Variants in SF3B3 observed in about 807,000 individuals in gnomAD.
SF3B3 encodes the protein SAP 130.
Under a neutral mutation model 139.2 loss-of-function variants are expected in SF3B3, and 33 were observed. The ratio of observed to expected loss-of-function variants is 0.24; its 90% CI spans 0.18 to 0.32. SF3B3 has a LOEUF of 0.32. Among genes scored for constraint, SF3B3 ranks in the 10% least tolerant of loss-of-function variants. The pLI is 1.00. For synonymous variants in SF3B3, 596 were observed against 563.6 expected, an observed-to-expected ratio of 1.06 and a Z score of -0.81; for missense variants, 818 against 1,509.4, an observed-to-expected ratio of 0.54 and a Z score of 7.59.
chr16:70,569,434 T>C (rs2050508064), intron 23 of SF3B3, among the ~76,000 whole-genome samples: 1 of 152,228 alleles, frequency 6.6e-6, no homozygotes, highest in Non-Finnish European at 1.5e-5. Context: ...AAATCTATTT[T>C]AGAAGACAAG....
At chr16:70,545,263 TATC>T (rs1160649803) in intron 10 of SF3B3, among the ~76,000 whole-genome samples, 1 of 152,086 alleles carries the variant, frequency 6.6e-6, no homozygotes, top group Non-Finnish European at 1.5e-5. Context: ...GACAGAGTCT[TATC>T]ATGTTTCCCT....
chr16:70,550,658 T>C, intron 11 of SF3B3: 1 of 985,722 alleles, frequency 1.0e-6, no homozygotes, highest in Non-Finnish European at 1.2e-6. Flanking sequence ...AGGTGGCTGG[T>C]GAAGGTGCTG....
intron 10 of SF3B3, among the ~76,000 whole-genome samples, chr16:70,547,558 A>G (rs896188712): frequency 2.6e-5 from 4 of 152,182 alleles, no homozygotes; most frequent in African/African-American, 9.7e-5. Flanking sequence ...CTAATCAGAA[A>G]GACAAAACAG....
At chr16:70,525,862 G>A (rs900680252) in intron 1 of SF3B3, among the ~76,000 whole-genome samples, 2 of 149,818 alleles carry the variant, frequency 1.3e-5, no homozygotes, top group African/African-American at 2.5e-5. Flanking sequence ...TCGGGAGCCT[G>A]AGGCAGGAGA....
intron 4 of SF3B3, among the ~76,000 whole-genome samples, chr16:70,531,224 C>T (rs1175502795): frequency 6.6e-6 from 1 of 152,012 alleles, no homozygotes; most frequent in African/African-American, 2.4e-5. Flanking sequence ...GCCGAGATCT[C>T]GCCACTGCAC....
chr16:70,544,873 C>T (rs1371061165), intron 10 of SF3B3, among the ~76,000 whole-genome samples: 2 of 151,998 alleles, frequency 1.3e-5, no homozygotes, highest in Admixed American at 6.6e-5. Context: ...TTCTATTCCT[C>T]AACTTGTTAG....
At chr16:70,555,468 A>G (rs1469185943) in intron 13 of SF3B3, among the ~76,000 whole-genome samples, 1 of 127,672 alleles carries the variant, frequency 7.8e-6, no homozygotes. Flanking sequence ...ACAGAGCAAG[A>G]CTCCGTCTCA....
intron 25 of SF3B3, 62 bp downstream of exon 25, chr16:70,571,261 A>AT: frequency 8.2e-7 from 1 of 1,212,466 alleles, no homozygotes; most frequent in Non-Finnish European, 1.2e-6. Flanking sequence ...CAGGGAGTGG[A>AT]TTGATGGGAA....
intron 11 of SF3B3, among the ~76,000 whole-genome samples, chr16:70,550,020 A>G (rs2050306978): frequency 6.6e-6 from 1 of 152,160 alleles, no homozygotes. Context: ...GTGTCTCAAG[A>G]CACAGTCTAG....
In SF3B3 at chr16:70,555,036, T is replaced by C; in HGVS notation, c.1555-15T>C. The C allele has an allele frequency of 6.2e-7, 1 of 1,610,748 alleles. No individual in the cohort carries two copies. The highest frequency in any genetic ancestry group is 8.5e-7 in the Non-Finnish European group (1 of 1,177,926). On this transcript the variant is annotated splice_polypyrimidine_tract_variant and intron_variant, in intron 12 of 25. Coordinates refer to ENST00000302516, the MANE Select transcript of SF3B3 (RefSeq NM_012426.5). ...AAATTGTTAAAGTCAGGTTTCTTTCTGTTACTGACTCTAGGTCTATCCAGA... is the reference window on the plus strand; with the variant it reads ...AAATTGTTAAAGTCAGGTTTCTTTCCGTTACTGACTCTAGGTCTATCCAGA...
intron 11 of SF3B3, chr16:70,554,128 G>A (rs1270364236): frequency 5.4e-6 from 1 of 185,530 alleles, no homozygotes; most frequent in Non-Finnish European, 1.1e-5. Flanking sequence ...TGAAGCTCTA[G>A]CTCAGTATGT....
At chr16:70,546,561 A>C (rs932483952) in intron 10 of SF3B3, among the ~76,000 whole-genome samples, 3 of 152,136 alleles carry the variant, frequency 2.0e-5, no homozygotes, top group Non-Finnish European at 4.4e-5. Flanking sequence ...CTAAGGCAGG[A>C]GAATAGCTTG....
intron 11 of SF3B3, among the ~76,000 whole-genome samples, chr16:70,552,481 C>T (rs1289723387): frequency 6.6e-6 from 1 of 152,182 alleles, no homozygotes. Context: ...TAACCATGTC[C>T]TTACTTGTTT....
chr16:70,538,751 C>CATGAT (rs1184808838), intron 7 of SF3B3, among the ~76,000 whole-genome samples: 1 of 152,206 alleles, frequency 6.6e-6, no homozygotes, highest in African/African-American at 2.4e-5. Flanking sequence ...TGGTAATAAA[C>CATGAT]ATGATCTGTT....
rs780835427 is a variant in SF3B3, at chr16:70,561,798, A to G, written c.2288+14A>G. On this transcript the variant is annotated intron_variant, in intron 17 of 25. Transcript: ENST00000302516. ...CAACACCCTACGGTGAGTGAGTCTC[A>G]TGTTTGAAGCTCAGCAGGAAGCCTT... 1 of 1,610,834 alleles carries G rather than the reference A, an allele frequency of 6.2e-7. No homozygotes were observed. Among genetic ancestry groups the G allele is most frequent in the Admixed American group, 1.7e-5 (1 of 59,938 alleles).
At position 70,571,938 on chromosome 16, in the gene SF3B3, G is replaced by A; in HGVS notation, c.*125G>A. ...GGATAATTAAGACTGCATTATGAAA[G>A]TCAACAGCTCTTTCCCCTCAGCTCT... On this transcript the variant is annotated 3_prime_UTR_variant, in exon 26 of 26. Coordinates refer to ENST00000302516, the MANE Select transcript of SF3B3 (RefSeq NM_012426.5). 1 of 1,161,024 alleles carries A rather than the reference G, an allele frequency of 8.6e-7. No homozygotes were observed. The highest frequency in any genetic ancestry group is 1.2e-6 in the Non-Finnish European group (1 of 812,602). The allele number at this position is 1,161,024 out of a possible 1,614,324, so 71.9% of individuals were successfully genotyped here. A position where few individuals can be genotyped will look rare whatever the true frequency, so the allele number is the denominator to read the frequency against.
chr16:70,564,117 G>T, intron 18 of SF3B3, 67 bp downstream of exon 18: 1 of 1,521,000 alleles, frequency 6.6e-7, no homozygotes, highest in Non-Finnish European at 8.9e-7. Flanking sequence ...AGTTTAAACT[G>T]CCCGGCACTT....
At chr16:70,563,145 T>C (rs1368449125) in intron 17 of SF3B3, among the ~76,000 whole-genome samples, 2 of 152,182 alleles carry the variant, frequency 1.3e-5, no homozygotes, top group African/African-American at 4.8e-5. Context: ...TTTTTTGGTA[T>C]TTTCAACAGA....
At chr16:70,538,203 A>G in intron 6 of SF3B3, 120 bp from the exon 7 acceptor site, 1 of 891,168 alleles carries the variant, frequency 1.1e-6, no homozygotes, top group South Asian at 1.4e-5. Context: ...GACACTGTGG[A>G]TCAAAGCTTG....
Sources: allele counts gnomAD v4.1 joint callset (sites outside exome capture counted in the v4.1 genomes callset), GRCh38; gene constraint gnomAD v4.1.1; transcripts MANE v1.5; gene names NCBI Gene and HGNC (gene_info 2026-07-23, HGNC 2026-07-21).